The following PPP1R12B variants were observed in gnomAD, a reference collection of about 807,000 sequenced individuals.
PPP1R12B encodes the protein myosin phosphatase target subunit 2.
PPP1R12B carries 76 observed loss-of-function variants against 126.1 expected under a neutral mutation model. The observed-to-expected ratio is 0.60, with a 90% CI of 0.50 to 0.73. PPP1R12B has a LOEUF of 0.73. Among genes scored for constraint, PPP1R12B ranks in the 30% least tolerant of loss-of-function variants. The pLI is 0.00. For synonymous variants in PPP1R12B, 356 were observed against 434.7 expected (o/e 0.82, Z 2.25); for missense variants, 1,052 against 1,205.1 (o/e 0.87, Z 1.88).
intron 2 of PPP1R12B, among the ~76,000 whole-genome samples, chr1:202,418,442 G>A (rs1485687439): frequency 1.3e-5 from 2 of 151,250 alleles, no homozygotes; most frequent in Non-Finnish European, 2.9e-5. Context: ...TCCTGTGTGT[G>A]AAGCTAAATA....
chr1:202,558,933 G>A lies in PPP1R12B; in HGVS notation c.2507+40G>A, dbSNP rs1425663495. The A allele has an allele frequency of 1.9e-6, 3 of 1,539,090 alleles. No homozygotes were observed. In the African/African-American group the frequency reaches 4.2e-5, roughly 22 times the overall value. ...TGTTATATATGCATGCTTAATACTT[G>A]TGAGTGAATGCATGTCGAATTAAAC... On this transcript the variant is annotated intron_variant, in intron 19 of 23. Coordinates refer to ENST00000608999, the MANE Select transcript of PPP1R12B (RefSeq NM_002481.4).
Position 202,588,519 on chromosome 1 carries a change from TA to T in PPP1R12B, c.*7962del, listed in dbSNP as rs565019253. 3 of 152,640 alleles carry T rather than the reference TA, an allele frequency of 2.0e-5. No homozygotes were observed. In the South Asian group the frequency reaches 6.2e-4, roughly 32 times the overall value. The allele number at this position is 152,640 out of a possible 1,614,324, so 9.5% of individuals were successfully genotyped here. A position where few individuals can be genotyped will look rare whatever the true frequency, so the allele number is the denominator to read the frequency against. Reference sequence around the variant, plus strand: ...AATATTCACTTCTATATGATGCCTGTAAACACAACAGTATTTATAAATGAGT... The same window carrying T: ...AATATTCACTTCTATATGATGCCTGTAACACAACAGTATTTATAAATGAGT... On this transcript the variant is annotated 3_prime_UTR_variant, in exon 24 of 24. Coordinates refer to ENST00000608999, the MANE Select transcript of PPP1R12B (RefSeq NM_002481.4).
intron 18 of PPP1R12B, among the ~76,000 whole-genome samples, chr1:202,506,754 TA>T (rs879596577): frequency 6.6e-6 from 1 of 152,080 alleles, no homozygotes; most frequent in South Asian, 2.1e-4. Context: ...TGGAGCTTTT[TA>T]AAAAAAATGT....
At chr1:202,420,967 C>CTTATTT (rs1268716024) in intron 2 of PPP1R12B, among the ~76,000 whole-genome samples, 1 of 118,548 alleles carries the variant, frequency 8.4e-6, no homozygotes, top group South Asian at 3.0e-4. Flanking sequence ...CCTCTGCCAA[C>CTTATTT]TTTTTTTTTT....
chr1:202,579,138 T>C (rs1319807519), intron 23 of PPP1R12B, among the ~76,000 whole-genome samples: 1 of 152,260 alleles, frequency 6.6e-6, no homozygotes, highest in African/African-American at 2.4e-5. Flanking sequence ...ATTTCCCTGA[T>C]ACAAATTATT....
rs1275078396 is a variant in PPP1R12B, at chr1:202,449,877, G to A, written c.1850+706G>A. Among the ~76,000 whole-genome samples the A allele has an allele frequency of 3.3e-5, 5 of 151,462 alleles. No individual in the cohort carries two copies. The East Asian group carries it at 7.9e-4, about 24-fold the overall frequency. Reference sequence around the variant, plus strand: ...AATCTTTTATATTTTTAGTAGAGACGGGGTTTCACCATGTTAGCCAGGATG... The same window carrying A: ...AATCTTTTATATTTTTAGTAGAGACAGGGTTTCACCATGTTAGCCAGGATG... On this transcript the variant is annotated intron_variant, in intron 13 of 23. Transcript: ENST00000608999.
chr1:202,407,307 A>G (rs1666757198), intron 1 of PPP1R12B, among the ~76,000 whole-genome samples: 1 of 152,236 alleles, frequency 6.6e-6, no homozygotes, highest in South Asian at 2.1e-4. Context: ...AGGCAATATG[A>G]TACTTGCTCT....
At position 202,493,155 on chromosome 1, in the gene PPP1R12B, C is replaced by G. The variant is rs767122548; in HGVS notation, c.1983C>G (p.Phe661Leu). Residue 661 changes from phenylalanine (F) to leucine (L), a missense_variant, in exon 15 of 24, where the codon TTC becomes TTG. Phe to Leu is a conservative substitution (Grantham distance 22). Transcript: ENST00000608999. ...LTDLQEAERTFSRSRAERQAQ... is the reference protein window; with the variant it reads ...LTDLQEAERTLSRSRAERQAQ... Reference sequence around the variant, plus strand: ...ACCTTCAAGAAGCAGAAAGGACATTCAGCCGGTCGAGGGCAGAGAGGCAAG... The same window carrying G: ...ACCTTCAAGAAGCAGAAAGGACATTGAGCCGGTCGAGGGCAGAGAGGCAAG... 1.2e-6 allele frequency: 2 copies of G among 1,612,132 alleles called. No individual in the cohort carries two copies. The highest frequency in any genetic ancestry group is 4.5e-5 in the East Asian group (2 of 44,882).
In PPP1R12B at chr1:202,588,346, T is replaced by G. The variant is rs1689948393; in HGVS notation, c.*7786T>G. On this transcript the variant is annotated 3_prime_UTR_variant, in exon 24 of 24. Coordinates refer to ENST00000608999, the MANE Select transcript of PPP1R12B (RefSeq NM_002481.4). The stretch of plus-strand genomic sequence containing the variant: ...GGGATGGGGTGGGGTTGGGGTTGTT[T>G]AGGGAGAAGCAGCCAGACTTGCTTT... The G allele has an allele frequency of 6.6e-6, 1 of 152,616 alleles. No homozygotes were observed. The highest frequency in any genetic ancestry group is 1.5e-5 in the Non-Finnish European group (1 of 68,036). The allele number at this position is 152,616 out of a possible 1,614,324, so 9.5% of individuals were successfully genotyped here.
chr1:202,389,563 C>G (rs1663756482), intron 1 of PPP1R12B, among the ~76,000 whole-genome samples: 2 of 151,166 alleles, frequency 1.3e-5, no homozygotes, highest in Admixed American at 1.3e-4. Context: ...ACTGCGTGAA[C>G]CCGGGAGGTG....
In PPP1R12B at chr1:202,348,756, G is replaced by C. The variant is rs763745480; in HGVS notation, c.-96G>C. The C allele has an allele frequency of 1.5e-4, 216 of 1,446,606 alleles. No homozygotes were observed. The highest frequency in any genetic ancestry group is 1.7e-4 in the Non-Finnish European group (185 of 1,088,116). The allele number at this position is 1,446,606 out of a possible 1,614,324, so 89.6% of individuals were successfully genotyped here. A position where few individuals can be genotyped will look rare whatever the true frequency, so the allele number is the denominator to read the frequency against. On this transcript the variant is annotated 5_prime_UTR_variant, in exon 1 of 24. Coordinates refer to ENST00000608999, the MANE Select transcript of PPP1R12B (RefSeq NM_002481.4). ...CGCGAGGGTCTCCGCCCTCTGCTCC[G>C]GGCTGAAGCGCTCTGAGAGAGGCGG...
At chr1:202,366,220 G>T (rs1459806267) in intron 1 of PPP1R12B, among the ~76,000 whole-genome samples, 2 of 151,810 alleles carry the variant, frequency 1.3e-5, no homozygotes, top group Admixed American at 6.6e-5. Flanking sequence ...TGCAAATTTG[G>T]TATAAAAATT....
intron 13 of PPP1R12B, among the ~76,000 whole-genome samples, chr1:202,470,618 G>C (rs1374902665): frequency 6.6e-6 from 1 of 152,096 alleles, no homozygotes; most frequent in Non-Finnish European, 1.5e-5. Flanking sequence ...TATTGGCCAG[G>C]TGCAGTGGCT....
At chr1:202,437,293 T>C (rs1670953292) in intron 9 of PPP1R12B, among the ~76,000 whole-genome samples, 1 of 151,760 alleles carries the variant, frequency 6.6e-6, no homozygotes, top group Admixed American at 6.6e-5. Context: ...ATTAGGCCAC[T>C]GCACTCCAGC....
chr1:202,387,594 A>T (rs1663362648), intron 1 of PPP1R12B, among the ~76,000 whole-genome samples: 2 of 148,554 alleles, frequency 1.3e-5, no homozygotes, highest in East Asian at 2.0e-4. Context: ...ATGGTACAAG[A>T]TTTTTTTTTT....
chr1:202,446,554 C>T (rs374211381), intron 12 of PPP1R12B, among the ~76,000 whole-genome samples: 29 of 147,958 alleles, frequency 2.0e-4, no homozygotes, highest in East Asian at 9.8e-4. Context: ...CCACTGCACC[C>T]GGCCGTATTA....
At chr1:202,400,114 T>C (rs1208674539) in intron 1 of PPP1R12B, among the ~76,000 whole-genome samples, 1 of 152,140 alleles carries the variant, frequency 6.6e-6, no homozygotes, top group Non-Finnish European at 1.5e-5. Context: ...ACATGCAGAA[T>C]TTGTTTTCTG....
At chr1:202,386,573 C>A (rs1284742276) in intron 1 of PPP1R12B, among the ~76,000 whole-genome samples, 1 of 152,188 alleles carries the variant, frequency 6.6e-6, no homozygotes, top group African/African-American at 2.4e-5. Context: ...CCTGCCTCGG[C>A]CTCCCAAAGT....
intron 1 of PPP1R12B, among the ~76,000 whole-genome samples, chr1:202,374,774 G>T (rs1660889889): frequency 6.6e-6 from 1 of 151,574 alleles, no homozygotes; most frequent in Non-Finnish European, 1.5e-5. Context: ...CTGAGCTCAG[G>T]CAATCCGCCC....
Sources: gnomAD v4.1 joint callset for allele counts (sites outside exome capture counted in the v4.1 genomes callset) on GRCh38, gnomAD v4.1.1 for gene constraint, MANE v1.5 for transcripts, NCBI Gene and HGNC (gene_info 2026-07-23, HGNC 2026-07-21) for gene names.